APBB2: variants seen among roughly 807,000 people sequenced by gnomAD.
APBB2 encodes Fe65-like 1.
A neutral mutation model predicts 82.5 loss-of-function variants in APBB2; 38 were observed. That is an observed-to-expected ratio of 0.46 (90% CI 0.36 to 0.60). The LOEUF (loss-of-function observed/expected upper bound fraction) is 0.60, where lower values mean the gene tolerates loss of function less well. APBB2 is among the 20% of genes least tolerant of loss of function. APBB2 has a pLI of 0.00. For synonymous variants in APBB2, 341 were observed against 368.2 expected (o/e 0.93, Z 0.85); for missense variants, 772 against 972.3 (o/e 0.79, Z 2.74).
At chr4:41,061,188 C>A (rs1729705394) in intron 4 of APBB2, among the ~76,000 whole-genome samples, 2 of 152,206 alleles carry the variant, frequency 1.3e-5, no homozygotes, top group African/African-American at 4.8e-5. Flanking sequence ...GTGGTGGCTG[C>A]AGTCATCCAA....
chr4:41,097,120 G>T (rs1341147259), intron 3 of APBB2, among the ~76,000 whole-genome samples: 2 of 152,104 alleles, frequency 1.3e-5, no homozygotes, highest in Admixed American at 1.3e-4. Flanking sequence ...AGTTTCTTTG[G>T]AGAAAGAAAT....
chr4:40,866,926 C>T (rs910288765), intron 12 of APBB2, among the ~76,000 whole-genome samples: 1 of 152,072 alleles, frequency 6.6e-6, no homozygotes, highest in Non-Finnish European at 1.5e-5. Context: ...CTGAACTGTG[C>T]AGTTTCCCGT....
intron 2 of APBB2, among the ~76,000 whole-genome samples, chr4:41,114,563 T>A (rs1229013944): frequency 6.6e-6 from 1 of 152,184 alleles, no homozygotes; most frequent in East Asian, 1.9e-4. Flanking sequence ...GATTGTGTAT[T>A]TAGAAAGCCC....
At chr4:40,985,999 G>C (rs2154407052) in intron 6 of APBB2, among the ~76,000 whole-genome samples, 1 of 152,258 alleles carries the variant, frequency 6.6e-6, no homozygotes, top group East Asian at 1.9e-4. Context: ...AATAACAAAA[G>C]AGAAGTTTTG....
chr4:40,867,441 T>G (rs1476606622), intron 12 of APBB2, among the ~76,000 whole-genome samples: 1 of 152,210 alleles, frequency 6.6e-6, no homozygotes, highest in Non-Finnish European at 1.5e-5. Flanking sequence ...CAACCCCCTT[T>G]TTGTAAACAA....
rs1479187057 is a variant in APBB2, at chr4:40,982,891, G to A, written c.835+30692C>T. Among the ~76,000 whole-genome samples the A allele has an allele frequency of 2.0e-5, 3 of 152,282 alleles. No homozygotes were observed. In the East Asian group the frequency reaches 5.8e-4, roughly 29 times the overall value. On this transcript the variant is annotated intron_variant, in intron 6 of 17. Transcript: ENST00000508593. ...CCCCCTCAACATGTGACAGGCTCCT[G>A]CCATGTACCTGGACTTTAAGGAGTC...
intron 10 of APBB2, among the ~76,000 whole-genome samples, chr4:40,902,512 G>A (rs754577505): frequency 1.3e-5 from 2 of 152,132 alleles, no homozygotes; most frequent in Non-Finnish European, 2.9e-5. Context: ...AAGTGAGAAA[G>A]TCTGACCCAG....
At chr4:41,212,408 T>C (rs1048137529) in intron 1 of APBB2, among the ~76,000 whole-genome samples, 48 of 152,282 alleles carry the variant, frequency 3.2e-4, no homozygotes, top group African/African-American at 1.1e-3. Flanking sequence ...GGCGTGATCA[T>C]AGCTCACTAC....
intron 2 of APBB2, among the ~76,000 whole-genome samples, chr4:41,138,777 T>C (rs892876096): frequency 6.6e-6 from 1 of 152,102 alleles, no homozygotes; most frequent in Non-Finnish European, 1.5e-5. Flanking sequence ...ACATCCAGAT[T>C]GGACATGAAA....
rs777910826 is a variant in APBB2 at position 40,832,013 on chromosome 4, T to TATATATACAC, written c.1530-1437_1530-1436insGTGTATATAT. Among the ~76,000 whole-genome samples, 3 of 138,884 alleles carry TATATATACAC rather than the reference T, an allele frequency of 2.2e-5. No individual in the cohort carries two copies. Among genetic ancestry groups the TATATATACAC allele is most frequent in the East Asian group, 2.0e-4 (1 of 4,894 alleles). 91.1% of individuals were successfully genotyped at this position (138,884 alleles called of 152,430 possible). ...ACACATATTTATATATTTATTTATA[T>TATATATACAC]ACACACACACACACACACACACACA... is the stretch of plus-strand genomic sequence containing the variant. On this transcript the variant is annotated intron_variant, in intron 12 of 17. Coordinates refer to ENST00000508593, the MANE Select transcript of APBB2 (RefSeq NM_004307.2). The surrounding 1 kb of genome is among the most constrained non-coding windows in gnomAD (Gnocchi z 4.8).
chr4:41,181,872 G>C (rs1171961286), intron 1 of APBB2, among the ~76,000 whole-genome samples: 1 of 151,234 alleles, frequency 6.6e-6, no homozygotes, highest in African/African-American at 2.4e-5. Flanking sequence ...CTTGAACCTG[G>C]GAGGTGGAGA....
Position 41,145,987 on chromosome 4 carries a change from C to T in APBB2, c.-416-2845G>A, listed in dbSNP as rs1305507649. Among the ~76,000 whole-genome samples the T allele has an allele frequency of 7.2e-5, 11 of 152,130 alleles. 1 individual carries two copies. The highest frequency in any genetic ancestry group is 5.2e-4 in the Admixed American group (8 of 15,290). On this transcript the variant is annotated intron_variant, in intron 1 of 17. Coordinates refer to ENST00000508593, the MANE Select transcript of APBB2 (RefSeq NM_004307.2). ...AGTGGATTGCTTGAGCCCAGGAGTT[C>T]GAGACCAGCCTGGGCAACATAGTGA...
intron 10 of APBB2, among the ~76,000 whole-genome samples, chr4:40,902,677 G>A (rs924512902): frequency 1.3e-5 from 2 of 152,102 alleles, no homozygotes; most frequent in Non-Finnish European, 2.9e-5. Flanking sequence ...GGGACTACAG[G>A]TGCCTACCAC....
At chr4:41,129,514 G>A (rs1462283493) in intron 2 of APBB2, among the ~76,000 whole-genome samples, 1 of 152,190 alleles carries the variant, frequency 6.6e-6, no homozygotes, top group Non-Finnish European at 1.5e-5. Context: ...TGTTTGCACA[G>A]AAGTTTGGAC....
Position 40,812,023 on chromosome 4 carries a change from A to G in APBB2, c.*4069T>C, listed in dbSNP as rs1744517768. On this transcript the variant is annotated 3_prime_UTR_variant, in exon 18 of 18. Transcript: ENST00000508593. ...CACAATCCTAGCAAGACCGCTTACAAAAGACTCGAGTTGGTGACTAAATAG... is the reference window on the plus strand; with the variant it reads ...CACAATCCTAGCAAGACCGCTTACAGAAGACTCGAGTTGGTGACTAAATAG... 6.6e-6 allele frequency: 1 copy of G among 152,194 alleles called. No homozygotes were observed. The highest frequency in any genetic ancestry group is 2.4e-5 in the African/African-American group (1 of 41,444). 9.4% of individuals were successfully genotyped at this position (152,194 alleles called of 1,614,324 possible).
At chr4:41,103,158 T>A (rs1746037647) in intron 2 of APBB2, among the ~76,000 whole-genome samples, 1 of 152,242 alleles carries the variant, frequency 6.6e-6, no homozygotes. Flanking sequence ...TCTTTCACAA[T>A]GTTTACAATT....
intron 2 of APBB2, among the ~76,000 whole-genome samples, chr4:41,112,744 C>T (rs865858909): frequency 1.3e-5 from 2 of 152,250 alleles, no homozygotes; most frequent in South Asian, 2.1e-4. Flanking sequence ...AATCCCAGCA[C>T]TTTGGGAGGC....
At chr4:40,855,090 T>C (rs1461019562) in intron 12 of APBB2, among the ~76,000 whole-genome samples, 1 of 152,198 alleles carries the variant, frequency 6.6e-6, no homozygotes, top group Non-Finnish European at 1.5e-5. Context: ...GCAGATGACC[T>C]GAGGCCCCTC....
intron 4 of APBB2, among the ~76,000 whole-genome samples, chr4:41,056,751 C>G (rs1220537273): frequency 1.3e-5 from 2 of 152,222 alleles, no homozygotes; most frequent in Non-Finnish European, 2.9e-5. Context: ...TCTTTATAAA[C>G]TGCACCCCGC....
Sources: allele counts gnomAD v4.1 joint callset (sites outside exome capture counted in the v4.1 genomes callset), GRCh38; gene constraint gnomAD v4.1.1; non-coding constraint Gnocchi (gnomAD v3.1); transcripts MANE v1.5; gene names NCBI Gene and HGNC (gene_info 2026-07-23, HGNC 2026-07-21).